The following RBM26 variants were observed in gnomAD, a reference collection of about 807,000 sequenced individuals.
RBM26 encodes RNA binding motif protein 26.
Under a neutral mutation model 123.6 loss-of-function variants are expected in RBM26, and 30 were observed. The ratio of observed to expected loss-of-function variants is 0.24; its 90% CI spans 0.18 to 0.33. The LOEUF is 0.33. RBM26 is among the 10% of genes least tolerant of loss of function. RBM26 has a pLI of 1.00. For missense variants in RBM26, 947 were observed against 1,203.6 expected (o/e 0.79, Z 3.15); for synonymous variants, 400 against 404.4 (o/e 0.99, Z 0.13).
chr13:79,404,476 T>C (rs2079338270), intron 1 of RBM26, among the ~76,000 whole-genome samples: 1 of 152,214 alleles, frequency 6.6e-6, no homozygotes, highest in South Asian at 2.1e-4. Context: ...AAATCAGTCC[T>C]TGTCTGCTTT....
chr13:79,390,804 G>C (rs987455249), intron 1 of RBM26, among the ~76,000 whole-genome samples: 1 of 152,068 alleles, frequency 6.6e-6, no homozygotes, highest in African/African-American at 2.4e-5. Flanking sequence ...TAAAGTTGTA[G>C]GGCAAGGGCA....
At chr13:79,315,443 T>G (rs1266543161), downstream of RBM26, among the ~76,000 whole-genome samples, 3 of 151,802 alleles carry the variant, frequency 2.0e-5, no homozygotes, top group Non-Finnish European at 2.9e-5. Flanking sequence ...AAACTCCATA[T>G]GATAATCACT....
intron 20 of RBM26, among the ~76,000 whole-genome samples, chr13:79,324,597 T>C (rs1456979584): frequency 1.3e-5 from 2 of 151,934 alleles, no homozygotes; most frequent in African/African-American, 2.4e-5. Context: ...GTTGTTCTTT[T>C]GTTTTTGTCA....
intron 9 of RBM26, among the ~76,000 whole-genome samples, chr13:79,362,875 A>C (rs1307208486): frequency 6.6e-6 from 1 of 152,226 alleles, no homozygotes; most frequent in Non-Finnish European, 1.5e-5. Context: ...AAAAACACAG[A>C]AGCAAGTTCC....
rs1382608401 is a variant in RBM26 at position 79,368,908 on chromosome 13, A to T, written c.717T>A (p.Pro239=). 3 of 1,610,994 alleles carry T rather than the reference A, an allele frequency of 1.9e-6. No homozygotes were observed. Among genetic ancestry groups the T allele is most frequent in the Non-Finnish European group, 2.5e-6 (3 of 1,177,152 alleles). The change falls in exon 6 of 22, where the codon CCT becomes CCA. Residue 239 remains proline, a synonymous_variant. Coordinates refer to ENST00000438737, the MANE Select transcript of RBM26 (RefSeq NM_001366735.2). ...ENNYTPVSSV[P]SISSGHYPVP... is the part of the protein sequence containing the mutation. ...CAGGGTAGTGGCCAGATGAAATACT[A>T]GGTACCGAAGAGACTGGAGTATAAT...
chr13:79,361,146 A>AATT (rs1445928659), intron 9 of RBM26, among the ~76,000 whole-genome samples: 4 of 152,118 alleles, frequency 2.6e-5, no homozygotes, highest in Non-Finnish European at 4.4e-5. Flanking sequence ...TATTAAGTCT[A>AATT]TCTTTTATTT....
intron 9 of RBM26, 67 bp downstream of exon 9, chr13:79,365,511 T>C (rs2075169162): frequency 3.9e-6 from 5 of 1,286,544 alleles, no homozygotes; most frequent in Middle Eastern, 1.9e-4. Context: ...GACCAACTGT[T>C]CTTTATAAAT....
intron 18 of RBM26, among the ~76,000 whole-genome samples, chr13:79,340,175 C>A (rs200378358): frequency 4.7e-5 from 7 of 150,122 alleles, no homozygotes; most frequent in Admixed American, 4.6e-4. Context: ...TTTTTTTCCC[C>A]AAAAAAAATA....
At chr13:79,365,276 C>G (rs1444807956) in intron 9 of RBM26, among the ~76,000 whole-genome samples, 1 of 152,076 alleles carries the variant, frequency 6.6e-6, no homozygotes, top group African/African-American at 2.4e-5. Flanking sequence ...GAAATCCCAT[C>G]TCTACTAAAA....
chr13:79,400,134 G>A (rs959578847), intron 1 of RBM26, among the ~76,000 whole-genome samples: 2 of 152,086 alleles, frequency 1.3e-5, no homozygotes, highest in Non-Finnish European at 2.9e-5. Context: ...AGACTTTAAA[G>A]GATCTACAAT....
At chr13:79,398,208 G>A (rs901107181) in intron 1 of RBM26, among the ~76,000 whole-genome samples, 6 of 152,100 alleles carry the variant, frequency 3.9e-5, no homozygotes, top group Admixed American at 3.3e-4. Context: ...AGCAAGAAGA[G>A]GGAAAAAAAT....
chr13:79,384,379 TC>T (rs1373643522), intron 1 of RBM26, among the ~76,000 whole-genome samples: 1 of 151,816 alleles, frequency 6.6e-6, no homozygotes, highest in Non-Finnish European at 1.5e-5. Flanking sequence ...CACCGCTGCC[TC>T]CCCAGTAGCT....
rs143391182 is a variant in RBM26 at position 79,319,772 on chromosome 13, T to C, written c.*849A>G. 6.1e-6 allele frequency: 6 copies of C among 979,162 alleles called. No individual in the cohort carries two copies. The highest frequency in any genetic ancestry group is 3.5e-5 in the African/African-American group (2 of 57,112). The allele number at this position is 979,162 out of a possible 1,614,324, so 60.7% of individuals were successfully genotyped here. ...AGTGGTATAATTTTTAAACATTGGATTGTACATTATTGTAAGGGTACCAGT... is the reference window on the plus strand; with the variant it reads ...AGTGGTATAATTTTTAAACATTGGACTGTACATTATTGTAAGGGTACCAGT... On this transcript the variant is annotated 3_prime_UTR_variant, in exon 22 of 22. Coordinates refer to ENST00000438737, the MANE Select transcript of RBM26 (RefSeq NM_001366735.2).
At chr13:79,314,061 C>CCATT (rs2066979793), downstream of RBM26, 1 of 151,352 alleles carries the variant, frequency 6.6e-6, no homozygotes, top group African/African-American at 2.4e-5. Context: ...TCTTATAGTC[C>CCATT]CATTATAAAA....
downstream of RBM26, chr13:79,314,355 G>A (rs1021682225): frequency 6.6e-6 from 1 of 151,640 alleles, no homozygotes; most frequent in African/African-American, 2.4e-5. Context: ...TCACTTGGAA[G>A]AAAATTATTT....
At chr13:79,390,607 TA>T (rs1256311011) in intron 1 of RBM26, among the ~76,000 whole-genome samples, 1 of 152,058 alleles carries the variant, frequency 6.6e-6, no homozygotes, top group Non-Finnish European at 1.5e-5. Flanking sequence ...AAAATAAAAC[TA>T]AAGTACTGAA....
intron 1 of RBM26, among the ~76,000 whole-genome samples, chr13:79,392,552 T>G: frequency 6.8e-6 from 1 of 146,798 alleles, no homozygotes. Flanking sequence ...TAAACATAAT[T>G]AATATGTAAA....
At chr13:79,376,082 C>A (rs796460499) in intron 3 of RBM26, 15 of 152,216 alleles carry the variant, frequency 9.9e-5, no homozygotes, top group African/African-American at 3.4e-4. Context: ...TTCAAGGTCA[C>A]AAACCAGTGA....
At chr13:79,322,323 A>G in intron 21 of RBM26, 26 bp downstream of exon 21, 1 of 1,442,646 alleles carries the variant, frequency 6.9e-7, no homozygotes, top group Admixed American at 2.3e-5. Flanking sequence ...TTAAGGGTAA[A>G]AATAAGTGGA....
Sources: allele counts gnomAD v4.1 joint callset (sites outside exome capture counted in the v4.1 genomes callset), GRCh38; gene constraint gnomAD v4.1.1; transcripts MANE v1.5; gene names NCBI Gene and HGNC (gene_info 2026-07-23, HGNC 2026-07-21).